MEP1B: variants seen among roughly 807,000 people sequenced by gnomAD.
The protein encoded by MEP1B is meprin A subunit beta.
MEP1B carries 80 observed loss-of-function variants against 84.6 expected under a neutral mutation model. The observed-to-expected ratio is 0.95, with a 90% CI of 0.79 to 1.14. The LOEUF is 1.14. MEP1B is among the 50% of genes most tolerant of loss of function. The pLI, the probability that MEP1B is intolerant of heterozygous loss-of-function variation, is 0.00. For missense variants in MEP1B, 766 were observed against 855.1 expected, an observed-to-expected ratio of 0.90 and a Z score of 1.30; for synonymous variants, 273 against 288.1, an observed-to-expected ratio of 0.95 and a Z score of 0.53.
rs2041109300 is a variant in MEP1B at position 32,217,860 on chromosome 18, T to C, written c.1986T>C (p.Ala662=). 6.2e-7 allele frequency: 1 copy of C among 1,613,678 alleles called. No homozygotes were observed. The highest frequency in any genetic ancestry group is 8.5e-7 in the Non-Finnish European group (1 of 1,179,840). ...TIVIAVSSTV[A]VFALMLIITL... ...TCATTGCTGTTTCATCTACTGTTGC[T>C]GTGTTTGCCTTGATGCTGATCATCA... The change falls in exon 14 of 15, where the codon GCT becomes GCC. Residue 662 remains alanine, a synonymous_variant. Transcript: ENST00000269202.
chr18:32,215,547 G>A (rs761049583), intron 12 of MEP1B, among the ~76,000 whole-genome samples: 9 of 152,170 alleles, frequency 5.9e-5, no homozygotes, highest in South Asian at 2.1e-4. Context: ...AAAATAGGCC[G>A]GGCGCAGTGG....
Position 32,196,067 on chromosome 18 carries a change from G to A in MEP1B, c.250+582G>A. On this transcript the variant is annotated intron_variant, in intron 5 of 14. Coordinates refer to ENST00000269202, the MANE Select transcript of MEP1B (RefSeq NM_005925.3). This position sits in a 1 kb window ranked among gnomAD's most constrained non-coding sequence, Gnocchi z 4.4. ...GAAGAAGGGTCATTGGCAGCCCGGG[G>A]CTGGGAACCCAGGTCCTCTGGTGCC... The A allele has an allele frequency of 2.3e-6, 1 of 443,440 alleles. No homozygotes were observed. Among genetic ancestry groups the A allele is most frequent in the Non-Finnish European group, 4.2e-6 (1 of 238,372 alleles). 27.5% of individuals were successfully genotyped at this position (443,440 alleles called of 1,614,324 possible). A position where few individuals can be genotyped will look rare whatever the true frequency, so the allele number is the denominator to read the frequency against.
rs919505763 is a variant in MEP1B, at chr18:32,196,520, G to A, written c.250+1035G>A. On this transcript the variant is annotated intron_variant, in intron 5 of 14. Transcript: ENST00000269202. This position sits in a 1 kb window ranked among gnomAD's most constrained non-coding sequence, Gnocchi z 4.4. ...CATAGACCGAGGTGATGAGGTGGTG[G>A]CCAAGGGCCACCTTGAGAGCTTTGG... 4 of 696,418 alleles carry A rather than the reference G, an allele frequency of 5.7e-6. No homozygotes were observed. The highest frequency in any genetic ancestry group is 4.0e-5 in the Admixed American group (2 of 49,876). 43.1% of individuals were successfully genotyped at this position (696,418 alleles called of 1,614,324 possible).
In MEP1B at chr18:32,209,848, G is replaced by A. The variant is rs371831894; in HGVS notation, c.920-653G>A. On this transcript the variant is annotated intron_variant, in intron 9 of 14. Transcript: ENST00000269202. ...GGCGGGCAGGTCAGCCAAGGCCCTG[G>A]TTTCCTGGCTGGACTCTCACCTCTG... Among the ~76,000 whole-genome samples the A allele has an allele frequency of 6.6e-5, 10 of 151,996 alleles. No individual in the cohort carries two copies. In the South Asian group the frequency reaches 1.5e-3, roughly 22 times the overall value.
Position 32,204,281 on chromosome 18 carries a change from C to T in MEP1B, c.468C>T (p.His156=), listed in dbSNP as rs748368787. 5.5e-5 allele frequency: 88 copies of T among 1,603,694 alleles called. No individual in the cohort carries two copies. In the East Asian group the frequency reaches 7.8e-4, roughly 14 times the overall value. The change falls in exon 7 of 15, where the codon CAC becomes CAT. Residue 156 remains histidine (H), a synonymous_variant. Coordinates refer to ENST00000269202, the MANE Select transcript of MEP1B (RefSeq NM_005925.3). ...RIATVQHEFL[H]ALGFWHEQSR... Reference sequence around the variant, plus strand: ...CAACAGTTCAACACGAGTTCCTCCACGCTCTGGGATTCTGGCATGAGCAGT... The same window carrying T: ...CAACAGTTCAACACGAGTTCCTCCATGCTCTGGGATTCTGGCATGAGCAGT...
At chr18:32,204,108 G>C in intron 6 of MEP1B, 74 bp from the exon 7 acceptor site, 1 of 1,277,056 alleles carries the variant, frequency 7.8e-7, no homozygotes, top group Non-Finnish European at 1.1e-6. Flanking sequence ...AAGTGGACTA[G>C]GCAGTGGCGA....
At chr18:32,199,704 C>CTTCCTTCCTTCCTTCCT (rs1467871025) in intron 5 of MEP1B, among the ~76,000 whole-genome samples, 32 of 141,700 alleles carry the variant, frequency 2.3e-4, no homozygotes, top group African/African-American at 8.0e-4. Flanking sequence ...TCCTTCCTTC[C>CTTCCTTCCTTCCTTCCT]TTCCTTCTTT....
chr18:32,217,966 G>GT lies in MEP1B; in HGVS notation c.2091+2dup, dbSNP rs1568274843. The GT allele has an allele frequency of 6.2e-7, 1 of 1,613,490 alleles. No homozygotes were observed. Among genetic ancestry groups the GT allele is most frequent in the East Asian group, 2.2e-5 (1 of 44,882 alleles). ...TCGACCAAATTTGACTCCGCAAAAT[G>GT]TAAGTTGAGGCTGATGTTTGATTAT... On this transcript the variant is annotated splice_donor_variant, in intron 14 of 14. Coordinates refer to ENST00000269202, the MANE Select transcript of MEP1B (RefSeq NM_005925.3). LOFTEE classifies it high-confidence loss of function.
intron 5 of MEP1B, among the ~76,000 whole-genome samples, chr18:32,198,240 G>A (rs780081557): frequency 1.3e-5 from 2 of 152,126 alleles, no homozygotes; most frequent in Non-Finnish European, 2.9e-5. Context: ...TGACCTCCTG[G>A]AGCTGGTGCT....
intron 14 of MEP1B, among the ~76,000 whole-genome samples, chr18:32,219,548 G>A (rs1210231810): frequency 6.6e-6 from 1 of 152,120 alleles, no homozygotes; most frequent in Non-Finnish European, 1.5e-5. Flanking sequence ...TGCATGGAAG[G>A]TGGAAGAGTA....
intron 14 of MEP1B, among the ~76,000 whole-genome samples, chr18:32,219,335 C>G (rs1304699422): frequency 2.0e-5 from 3 of 152,036 alleles, no homozygotes; most frequent in Non-Finnish European, 4.4e-5. Flanking sequence ...AATAATAAGG[C>G]AATAGATCAA....
chr18:32,204,372 T>C lies in MEP1B; in HGVS notation c.547+12T>C. ...CAGAATTCTGTCAGGTACATTTCTCTTTTTTTCCTATGTTTTTAGTTAAGG... is the reference window on the plus strand; with the variant it reads ...CAGAATTCTGTCAGGTACATTTCTCCTTTTTTCCTATGTTTTTAGTTAAGG... On this transcript the variant is annotated intron_variant, in intron 7 of 14. Coordinates refer to ENST00000269202, the MANE Select transcript of MEP1B (RefSeq NM_005925.3). 1 of 1,564,826 alleles carries C rather than the reference T, an allele frequency of 6.4e-7. No homozygotes were observed. Among genetic ancestry groups the C allele is most frequent in the South Asian group, 1.2e-5 (1 of 85,140 alleles).
rs2041096641 is a variant in MEP1B at position 32,216,972 on chromosome 18, CT to C, written c.1760-18del. 2 of 1,612,168 alleles carry C rather than the reference CT, an allele frequency of 1.2e-6. No individual in the cohort carries two copies. The highest frequency in any genetic ancestry group is 1.7e-5 in the Admixed American group (1 of 59,696). On this transcript the variant is annotated intron_variant, in intron 12 of 14. Coordinates refer to ENST00000269202, the MANE Select transcript of MEP1B (RefSeq NM_005925.3). ...AAACAAAAGCTGATTTCCATCCACA[CT>C]CTTCCCCATCTTCCTAGACATATCT...
chr18:32,199,680 C>CT (rs1555706042), intron 5 of MEP1B, among the ~76,000 whole-genome samples: 1 of 147,528 alleles, frequency 6.8e-6, no homozygotes, highest in Admixed American at 6.8e-5. Flanking sequence ...TCCTTCCTTC[C>CT]TTCCTTCCTT....
Position 32,217,917 on chromosome 18 carries a change from A to G in MEP1B, c.2043A>G (p.Lys681=). The G allele has an allele frequency of 6.2e-7, 1 of 1,614,022 alleles. No homozygotes were observed. Among genetic ancestry groups the G allele is most frequent in the Non-Finnish European group, 8.5e-7 (1 of 1,179,906 alleles). Residue 681 remains lysine, a synonymous_variant, in exon 14 of 15, where the codon AAA becomes AAG. Transcript: ENST00000269202. ...TCAGTGTCTATTGCACCAGGAAGAA[A>G]TATCGTGAAAGGATGAGCTCAAATC... The part of the protein sequence containing the change: ...TLVSVYCTRK[K]YRERMSSNRP...
At chr18:32,198,394 T>C (rs1250613960) in intron 5 of MEP1B, among the ~76,000 whole-genome samples, 1 of 152,232 alleles carries the variant, frequency 6.6e-6, no homozygotes. Context: ...ATACCAGGTT[T>C]ACGTTCTTTC....
At position 32,207,600 on chromosome 18, in the gene MEP1B, A is replaced by G; in HGVS notation, c.766+130A>G. Reference sequence around the variant, plus strand: ...TAGAGATTTGATATTCAGGAAATAAACAGAATAGCACTCAGATCTCAATCT... The same window carrying G: ...TAGAGATTTGATATTCAGGAAATAAGCAGAATAGCACTCAGATCTCAATCT... On this transcript the variant is annotated intron_variant, in intron 8 of 14. Transcript: ENST00000269202. 6 of 651,794 alleles carry G rather than the reference A, an allele frequency of 9.2e-6. No individual in the cohort carries two copies. In the South Asian group the frequency reaches 1.1e-4, roughly 12 times the overall value. The allele number at this position is 651,794 out of a possible 1,614,324, so 40.4% of individuals were successfully genotyped here.
rs751922030 is a variant in MEP1B, at chr18:32,208,165, T to C, written c.813T>C (p.Asn271=). 8.1e-6 allele frequency: 13 copies of C among 1,613,826 alleles called. No homozygotes were observed. In the Middle Eastern group the frequency reaches 4.9e-4, roughly 61 times the overall value. Reference sequence around the variant, plus strand: ...ACTCGTGCAGTTTTGAACTGGAAAATGTGTGTGGCATGATCCAAAGTTCAG... The same window carrying C: ...ACTCGTGCAGTTTTGAACTGGAAAACGTGTGTGGCATGATCCAAAGTTCAG... ...FMDSCSFELE[N]VCGMIQSSGD... Residue 271 remains asparagine, a synonymous_variant, in exon 9 of 15, where the codon AAT becomes AAC. Transcript: ENST00000269202.
chr18:32,196,754 C>T lies in MEP1B; in HGVS notation c.250+1269C>T. On this transcript the variant is annotated intron_variant, in intron 5 of 14. Coordinates refer to ENST00000269202, the MANE Select transcript of MEP1B (RefSeq NM_005925.3). The surrounding 1 kb of genome is among the most constrained non-coding windows in gnomAD (Gnocchi z 4.4). ...GCCTGCTGGTGAAGCAGTGCAGGGC[C>T]AGGTGCATGTTTTCCTGGATGGTGT... is the stretch of plus-strand genomic sequence containing the variant. The T allele has an allele frequency of 1.5e-6, 1 of 651,554 alleles. No individual in the cohort carries two copies. The highest frequency in any genetic ancestry group is 2.8e-6 in the Non-Finnish European group (1 of 357,448). 40.4% of individuals were successfully genotyped at this position (651,554 alleles called of 1,614,324 possible).
Sources: gnomAD v4.1 joint callset for allele counts (sites outside exome capture counted in the v4.1 genomes callset) on GRCh38, gnomAD v4.1.1 for gene constraint, Gnocchi (gnomAD v3.1) non-coding constraint, MANE v1.5 for transcripts, NCBI Gene and HGNC (gene_info 2026-07-23, HGNC 2026-07-21) for gene names.